ADAM22: variants seen among roughly 807,000 people sequenced by gnomAD.
ADAM22 encodes the protein disintegrin and metalloproteinase domain-containing protein 22.
Under a neutral mutation model 144.6 loss-of-function variants are expected in ADAM22, and 65 were observed. That is an observed-to-expected ratio of 0.45 (90% CI 0.37 to 0.55). The LOEUF is 0.55. Ranked by LOEUF, ADAM22 falls within the 20% of genes least tolerant of loss-of-function variation. The pLI is 0.00. For missense variants in ADAM22, 974 were observed against 1,184.9 expected, an observed-to-expected ratio of 0.82 and a Z score of 2.61; for synonymous variants, 391 against 412.6, an observed-to-expected ratio of 0.95 and a Z score of 0.63.
chr7:87,961,618 TG>T (rs1039347389), intron 2 of ADAM22, among the ~76,000 whole-genome samples: 3 of 152,238 alleles, frequency 2.0e-5, no homozygotes, highest in African/African-American at 7.2e-5. Flanking sequence ...ATGTTTTATC[TG>T]GTGCGGTTGG....
chr7:87,959,933 A>G (rs1466469158), intron 2 of ADAM22, among the ~76,000 whole-genome samples: 2 of 152,036 alleles, frequency 1.3e-5, no homozygotes, highest in Non-Finnish European at 2.9e-5. Flanking sequence ...GTCATTCTGA[A>G]TTCATTGTTT....
chr7:88,010,659 C>T (rs1584999187), intron 3 of ADAM22, among the ~76,000 whole-genome samples: 2 of 152,244 alleles, frequency 1.3e-5, no homozygotes, highest in Admixed American at 6.5e-5. Flanking sequence ...GATGTGCCCA[C>T]CTCAACTTTT....
intron 3 of ADAM22, among the ~76,000 whole-genome samples, chr7:88,019,978 A>G (rs1044690666): frequency 4.6e-5 from 7 of 151,998 alleles, no homozygotes; most frequent in East Asian, 3.9e-4. Context: ...GTCATCTTCC[A>G]TAATATAGAT....
At chr7:88,134,233 T>G (rs1832491358) in intron 12 of ADAM22, 96 bp from the exon 13 acceptor site, 10 of 895,660 alleles carry the variant, frequency 1.1e-5, no homozygotes, top group Middle Eastern at 3.3e-4. Flanking sequence ...TGCTTAGAAA[T>G]TACTTATTTT....
intron 15 of ADAM22, among the ~76,000 whole-genome samples, 185 bp downstream of exon 15, chr7:88,143,310 C>A (rs1835358613): frequency 2.0e-5 from 3 of 152,180 alleles, no homozygotes; most frequent in African/African-American, 7.2e-5. Context: ...TTGGGCTATT[C>A]TGATGGGAAT....
intron 3 of ADAM22, among the ~76,000 whole-genome samples, chr7:88,011,367 C>T (rs544874348): frequency 2.0e-5 from 3 of 151,998 alleles, no homozygotes; most frequent in East Asian, 3.9e-4. Flanking sequence ...GGGTGAAACC[C>T]GTCTCTACTA....
intron 25 of ADAM22, among the ~76,000 whole-genome samples, chr7:88,169,380 G>A (rs529191948): frequency 3.9e-4 from 60 of 152,166 alleles, no homozygotes; most frequent in Non-Finnish European, 8.2e-4. Flanking sequence ...CTGATTAAAT[G>A]AGCATCTAGC....
At chr7:88,156,398 G>A (rs1389635772) in intron 22 of ADAM22, among the ~76,000 whole-genome samples, 1 of 152,050 alleles carries the variant, frequency 6.6e-6, no homozygotes, top group Non-Finnish European at 1.5e-5. Flanking sequence ...TATCCACAGG[G>A]AGGCATAGAA....
chr7:88,025,466 C>G (rs1798802508), intron 3 of ADAM22, among the ~76,000 whole-genome samples: 1 of 152,048 alleles, frequency 6.6e-6, no homozygotes, highest in African/African-American at 2.4e-5. Context: ...TGGAGAGATT[C>G]TCTAATATTT....
intron 31 of ADAM22, 133 bp from the exon 32 acceptor site, chr7:88,196,338 T>A (rs1850662770): frequency 9.7e-7 from 1 of 1,027,170 alleles, no homozygotes; most frequent in African/African-American, 1.6e-5. Context: ...ATCCACTTTT[T>A]AGACTTTGCA....
Position 88,145,483 on chromosome 7 carries a change from C to T in ADAM22, c.1461C>T (p.Asp487=), listed in dbSNP as rs371547096. The T allele has an allele frequency of 2.2e-4, 358 of 1,613,450 alleles. 1 individual carries two copies. The African/African-American group carries it at 3.3e-3, about 15-fold the overall frequency. ...TGACTCAAGACTCTCAATGCAGTGA[C>T]GGTCTTTGCTGTAAAAAGTGCAAGG... is the stretch of plus-strand genomic sequence containing the variant. ...CTLTQDSQCS[D]GLCCKKCKFQ... is the part of the protein sequence containing the mutation. The change falls in exon 17 of 32, where the codon GAC becomes GAT. Residue 487 remains aspartate (D), a synonymous_variant. Transcript: ENST00000413139.
intron 3 of ADAM22, among the ~76,000 whole-genome samples, chr7:88,026,316 C>T (rs1479822507): frequency 3.9e-5 from 6 of 152,120 alleles, no homozygotes; most frequent in South Asian, 4.2e-4. Flanking sequence ...ATGGCAGGAG[C>T]AGGACCAACA....
chr7:88,059,002 G>T (rs1411769357), intron 3 of ADAM22, among the ~76,000 whole-genome samples: 1 of 152,092 alleles, frequency 6.6e-6, no homozygotes, highest in Admixed American at 6.6e-5. Flanking sequence ...TCAGCTGAGG[G>T]CAAGTGATAT....
intron 3 of ADAM22, among the ~76,000 whole-genome samples, chr7:87,991,662 G>A (rs891130944): frequency 1.3e-5 from 2 of 152,122 alleles, no homozygotes; most frequent in Non-Finnish European, 2.9e-5. Context: ...CACCGCGCCC[G>A]GCACTAGCCT....
chr7:88,048,014 A>T (rs563473837), intron 3 of ADAM22, among the ~76,000 whole-genome samples: 1 of 152,268 alleles, frequency 6.6e-6, no homozygotes, highest in South Asian at 2.1e-4. Context: ...CTTCTCTGCC[A>T]CTGGAATACC....
At chr7:88,097,054 A>T (rs1409414266) in intron 4 of ADAM22, among the ~76,000 whole-genome samples, 2 of 151,926 alleles carry the variant, frequency 1.3e-5, no homozygotes, top group Admixed American at 6.6e-5. Flanking sequence ...ACTGAATGCT[A>T]GTATTAACTG....
intron 30 of ADAM22, among the ~76,000 whole-genome samples, chr7:88,189,438 C>T (rs1344565080): frequency 6.6e-6 from 1 of 152,218 alleles, no homozygotes; most frequent in Admixed American, 6.5e-5. Context: ...TTATTCCTCA[C>T]ATCCTAGAGT....
At chr7:87,985,548 G>T (rs1424572439) in intron 3 of ADAM22, among the ~76,000 whole-genome samples, 3 of 152,052 alleles carry the variant, frequency 2.0e-5, no homozygotes, top group Non-Finnish European at 4.4e-5. Context: ...TGTGTTTTCT[G>T]GACATTTCTT....
intron 2 of ADAM22, among the ~76,000 whole-genome samples, chr7:87,937,782 G>T (rs1584427099): frequency 6.6e-6 from 1 of 152,254 alleles, no homozygotes; most frequent in East Asian, 1.9e-4. Context: ...GTAGGATTTA[G>T]GTTTAAAAGT....
Sources: allele counts gnomAD v4.1 joint callset (sites outside exome capture counted in the v4.1 genomes callset), GRCh38; gene constraint gnomAD v4.1.1; transcripts MANE v1.5; gene names NCBI Gene and HGNC (gene_info 2026-07-23, HGNC 2026-07-21).